The following CIROZ variants were observed in gnomAD, a reference collection of about 807,000 sequenced individuals.
The protein encoded by CIROZ is ciliated left-right organizer protein containing ZP-N domains, also known as ciliated left-right organizer ZP-N domains-containing protein.
the CIROZ span, chr1:10,954,181 C>T: frequency 1.0e-4 from 163 of 1,591,816 alleles, no homozygotes; most frequent in Non-Finnish European, 1.3e-4. Context: ...ATTGGCTGGG[C>T]GCAGTGGCTC....
chr1:10,952,830 A>C, the CIROZ span, among the ~76,000 whole-genome samples: 1 of 152,114 alleles, frequency 6.6e-6, no homozygotes, highest in Non-Finnish European at 1.5e-5. Flanking sequence ...GGCATTTCTT[A>C]TCTCCCCTTC....
chr1:10,962,654 C>G, the CIROZ span, among the ~76,000 whole-genome samples: 1 of 152,134 alleles, frequency 6.6e-6, no homozygotes, highest in Non-Finnish European at 1.5e-5. Context: ...GGCTCAAAGC[C>G]CAGCTCTGTT....
chr1:10,965,667 C>A, the CIROZ span, among the ~76,000 whole-genome samples: 1 of 152,062 alleles, frequency 6.6e-6, no homozygotes, highest in Non-Finnish European at 1.5e-5. Context: ...CAAGACCAGC[C>A]TGGCCAACAA....
the CIROZ span, among the ~76,000 whole-genome samples, chr1:10,973,358 G>A: frequency 2.9e-3 from 437 of 152,312 alleles, 13 homozygotes; most frequent in East Asian, 0.064. Flanking sequence ...GGATGGCAGA[G>A]CGAGATTCTG....
chr1:10,980,368 C>T, the CIROZ span, among the ~76,000 whole-genome samples: 47 of 152,352 alleles, frequency 3.1e-4, no homozygotes, highest in African/African-American at 1.1e-3. Flanking sequence ...GCGCCTGTGG[C>T]GAGCCTCTCC....
At chr1:10,951,552 A>T in the CIROZ span, among the ~76,000 whole-genome samples, 1 of 120,794 alleles carries the variant, frequency 8.3e-6, no homozygotes, top group Non-Finnish European at 1.6e-5. Flanking sequence ...GTCTCGGGGT[A>T]AAAAAAAAAA....
the CIROZ span, among the ~76,000 whole-genome samples, chr1:10,961,810 A>T: frequency 1.3e-5 from 2 of 151,950 alleles, no homozygotes; most frequent in Admixed American, 6.6e-5. Context: ...TTAAAAATCA[A>T]CTGGCTTTAA....
the CIROZ span, among the ~76,000 whole-genome samples, chr1:10,960,277 G>A: frequency 6.1e-3 from 932 of 152,122 alleles, 10 homozygotes; most frequent in African/African-American, 0.021. The surrounding 1 kb of genome is among the most constrained non-coding windows in gnomAD (Gnocchi z 4.6). Context: ...GGTGGCAGGC[G>A]CCTGTAGTCC....
the CIROZ span, chr1:10,957,483 G>A: frequency 8.1e-6 from 11 of 1,364,678 alleles, no homozygotes; most frequent in Non-Finnish European, 1.1e-5. Context: ...ATTTTCGAAG[G>A]CGCCTGCCTA....
the CIROZ span, among the ~76,000 whole-genome samples, chr1:10,962,971 T>A: frequency 2.0e-5 from 3 of 151,836 alleles, no homozygotes; most frequent in African/African-American, 7.3e-5. Flanking sequence ...AATTTGAACA[T>A]TAGCTGGGCA....
At chr1:10,971,874 G>C in the CIROZ span, among the ~76,000 whole-genome samples, 1 of 152,190 alleles carries the variant, frequency 6.6e-6, no homozygotes. Flanking sequence ...CCAGCAAAGG[G>C]CTGTGGCTGG....
At chr1:10,948,649 G>T in the CIROZ span, 5 of 1,613,288 alleles carry the variant, frequency 3.1e-6, no homozygotes, top group African/African-American at 5.3e-5. Flanking sequence ...GGACGTGGCC[G>T]CCAGGGACTA....
chr1:10,962,352 C>T, the CIROZ span, among the ~76,000 whole-genome samples: 1 of 152,128 alleles, frequency 6.6e-6, no homozygotes, highest in East Asian at 1.9e-4. Context: ...GAGGCTGAGG[C>T]AGGAGAATCA....
At chr1:10,948,049 C>A in the CIROZ span, 3 of 1,613,364 alleles carry the variant, frequency 1.9e-6, no homozygotes, top group East Asian at 4.5e-5. Context: ...AGGGGCGCTG[C>A]CAGCCTCACC....
the CIROZ span, among the ~76,000 whole-genome samples, chr1:10,981,088 T>C: frequency 3.9e-5 from 6 of 152,206 alleles, no homozygotes; most frequent in East Asian, 1.2e-3. Context: ...TCTCAGGAGC[T>C]TTTTAAAGTA....
chr1:10,954,878 C>T, the CIROZ span: 1 of 1,184,184 alleles, frequency 8.4e-7, no homozygotes. Context: ...CAGGCACGAG[C>T]CACTGTGACT....
the CIROZ span, chr1:10,970,182 G>C: frequency 8.2e-7 from 1 of 1,216,042 alleles, no homozygotes; most frequent in Non-Finnish European, 1.1e-6. Flanking sequence ...GGAAGGAAAA[G>C]AAGGAGCTCC....
chr1:10,949,771 G>T, the CIROZ span: 304 of 1,580,214 alleles, frequency 1.9e-4, 5 homozygotes, highest in East Asian at 7.0e-3. Flanking sequence ...GGGAGGGAGT[G>T]GTCCTCAGTG....
the CIROZ span, among the ~76,000 whole-genome samples, chr1:10,978,818 T>G: frequency 6.6e-6 from 1 of 152,108 alleles, no homozygotes; most frequent in South Asian, 2.1e-4. Context: ...GTGTTTGTGT[T>G]TAAGGACTCA....
Sources: gnomAD v4.1 joint callset for allele counts (sites outside exome capture counted in the v4.1 genomes callset) on GRCh38, gnomAD v4.1.1 for gene constraint, Gnocchi (gnomAD v3.1) non-coding constraint, MANE v1.5 for transcripts, NCBI Gene and HGNC (gene_info 2026-07-23, HGNC 2026-07-21) for gene names.